The following CACNB4 variants were observed in gnomAD, a reference collection of about 807,000 sequenced individuals.
CACNB4 encodes voltage-dependent L-type calcium channel subunit beta-4.
Under a neutral mutation model 71.2 loss-of-function variants are expected in CACNB4, and 32 were observed. The observed-to-expected ratio is 0.45, with a 90% CI of 0.34 to 0.60. The LOEUF (loss-of-function observed/expected upper bound fraction) is 0.60. CACNB4 is among the 20% of genes least tolerant of loss of function. CACNB4 has a pLI of 0.01. For synonymous variants in CACNB4, 231 were observed against 236.9 expected (o/e 0.97, Z 0.23); for missense variants, 464 against 647.9 (o/e 0.72, Z 3.08).
chr2:151,873,895 C>G (rs759489335), intron 5 of CACNB4: 1 of 152,178 alleles, frequency 6.6e-6, no homozygotes. Flanking sequence ...GACTGGACCA[C>G]GGGGGCAGTC....
At chr2:152,028,142 G>A (rs1684080223) in intron 2 of CACNB4, among the ~76,000 whole-genome samples, 1 of 152,090 alleles carries the variant, frequency 6.6e-6, no homozygotes, top group African/African-American at 2.4e-5. Flanking sequence ...AGCAAAGAGG[G>A]CATGACCTAC....
In CACNB4 at chr2:151,839,140, A is replaced by G. The variant is rs754426717; in HGVS notation, c.1542T>C (p.His514=). ...AGACTCAAAGCCTATGTCGGGAGTC[A>G]TGGCTATATCCCCCAGGTGATCCTC... ...RNRGSPGGYS[H]DSRHRL is the part of the protein sequence containing the mutation. Residue 514 remains histidine (H), a synonymous_variant, in exon 14 of 14, where the codon CAT becomes CAC. Transcript: ENST00000539935. 6.2e-7 allele frequency: 1 copy of G among 1,612,494 alleles called. No homozygotes were observed. The highest frequency in any genetic ancestry group is 1.1e-5 in the South Asian group (1 of 90,982).
intron 2 of CACNB4, among the ~76,000 whole-genome samples, chr2:151,896,923 T>C (rs2099852236): frequency 6.6e-6 from 1 of 152,210 alleles, no homozygotes; most frequent in South Asian, 2.1e-4. Context: ...GTCATGCAGC[T>C]GGTAAAGTGT....
chr2:151,924,293 T>C (rs1448124791), intron 2 of CACNB4, among the ~76,000 whole-genome samples: 3 of 151,686 alleles, frequency 2.0e-5, no homozygotes, highest in Non-Finnish European at 2.9e-5. Flanking sequence ...TTAGCCAGGA[T>C]GGTCTTGATC....
In CACNB4 at chr2:151,834,175, G is replaced by A. The variant is rs776137266; in HGVS notation, c.*4944C>T. 2.0e-5 allele frequency: 3 copies of A among 151,952 alleles called. No individual in the cohort carries two copies. Among genetic ancestry groups the A allele is most frequent in the Non-Finnish European group, 2.9e-5 (2 of 67,856 alleles). The allele number at this position is 151,952 out of a possible 1,614,324, so 9.4% of individuals were successfully genotyped here. ...CTTATCAGGTATTGAAAAGCTAGAG[G>A]CCAGCCACTTCTGGTTCTTAGTTCC... On this transcript the variant is annotated 3_prime_UTR_variant, in exon 14 of 14. Transcript: ENST00000539935.
At chr2:152,006,292 G>A (rs1280560890) in intron 2 of CACNB4, among the ~76,000 whole-genome samples, 2 of 152,008 alleles carry the variant, frequency 1.3e-5, no homozygotes, top group African/African-American at 4.8e-5. Context: ...ACTACTCCCT[G>A]TCACCTGGAC....
chr2:152,029,815 A>C (rs562693945), intron 2 of CACNB4, among the ~76,000 whole-genome samples: 1 of 152,342 alleles, frequency 6.6e-6, no homozygotes, highest in Non-Finnish European at 1.5e-5. Context: ...CACAGTGAGA[A>C]GAAGGCACCA....
At chr2:151,901,772 A>G (rs1424798511) in intron 2 of CACNB4, among the ~76,000 whole-genome samples, 1 of 152,220 alleles carries the variant, frequency 6.6e-6, no homozygotes, top group African/African-American at 2.4e-5. Flanking sequence ...GCTTATATTG[A>G]GAATGAGAAT....
At chr2:151,852,847 A>C (rs2099839415) in intron 12 of CACNB4, 1 of 152,232 alleles carries the variant, frequency 6.6e-6, no homozygotes, top group Middle Eastern at 3.2e-3. Context: ...GAGACTGGCC[A>C]CTGGGGACCC....
chr2:151,868,964 C>T (rs932199793), intron 9 of CACNB4: 1 of 359,256 alleles, frequency 2.8e-6, no homozygotes, highest in Non-Finnish European at 5.0e-6. Flanking sequence ...AAACAAATGG[C>T]TTATTTTTCT....
chr2:152,088,139 TAA>T, intron 2 of CACNB4, among the ~76,000 whole-genome samples: 1 of 53,412 alleles, frequency 1.9e-5, no homozygotes, highest in African/African-American at 7.6e-5. Flanking sequence ...CTTCCCCACT[TAA>T]CACACACACA....
At position 152,081,539 on chromosome 2, in the gene CACNB4, G is replaced by A. The variant is rs138360540; in HGVS notation, c.147+16791C>T. Reference sequence around the variant, plus strand: ...CTGACAGATTTGGTTCTTAGTAAGGGCCCTTTTCCTGGCTTGCAGACAGCC... The same window carrying A: ...CTGACAGATTTGGTTCTTAGTAAGGACCCTTTTCCTGGCTTGCAGACAGCC... On this transcript the variant is annotated intron_variant, in intron 2 of 13. Transcript: ENST00000539935. Among the ~76,000 whole-genome samples, 69 of 152,086 alleles carry A rather than the reference G, an allele frequency of 4.5e-4. No individual in the cohort carries two copies. The South Asian group carries it at 0.013, about 29-fold the overall frequency.
rs1396346924 is a variant in CACNB4 at position 151,836,275 on chromosome 2, A to G, written c.*2844T>C. 1 of 151,874 alleles carries G rather than the reference A, an allele frequency of 6.6e-6. No individual in the cohort carries two copies. The highest frequency in any genetic ancestry group is 2.4e-5 in the African/African-American group (1 of 41,428). 9.4% of individuals were successfully genotyped at this position (151,874 alleles called of 1,614,324 possible). On this transcript the variant is annotated 3_prime_UTR_variant, in exon 14 of 14. Transcript: ENST00000539935. Reference sequence around the variant, plus strand: ...AAGTTAAAACAGCCTCAAAACAGTAAAAGACTTGTTTCTCTTGCTTATAAT... The same window carrying G: ...AAGTTAAAACAGCCTCAAAACAGTAGAAGACTTGTTTCTCTTGCTTATAAT...
chr2:152,050,724 A>G (rs926290983), intron 2 of CACNB4, among the ~76,000 whole-genome samples: 1 of 151,152 alleles, frequency 6.6e-6, no homozygotes, highest in Non-Finnish European at 1.5e-5. Context: ...TCTAAAAAAA[A>G]TTTTTTTTTA....
At chr2:151,952,086 T>C (rs2099867045) in intron 2 of CACNB4, among the ~76,000 whole-genome samples, 1 of 152,180 alleles carries the variant, frequency 6.6e-6, no homozygotes, top group Non-Finnish European at 1.5e-5. Context: ...AAATGATATA[T>C]GTATATACAC....
At chr2:151,995,148 A>C (rs568230022) in intron 2 of CACNB4, among the ~76,000 whole-genome samples, 1 of 152,326 alleles carries the variant, frequency 6.6e-6, no homozygotes, top group East Asian at 1.9e-4. Context: ...AAAGGTTGCA[A>C]GCATAAATGC....
intron 2 of CACNB4, among the ~76,000 whole-genome samples, chr2:151,934,488 A>G (rs1279116980): frequency 6.6e-6 from 1 of 152,238 alleles, no homozygotes; most frequent in African/African-American, 2.4e-5. Context: ...TCAAAGACAT[A>G]AGTAACTCAG....
At chr2:151,908,613 C>G (rs762501151) in intron 2 of CACNB4, among the ~76,000 whole-genome samples, 7 of 152,160 alleles carry the variant, frequency 4.6e-5, no homozygotes, top group Non-Finnish European at 8.8e-5. Flanking sequence ...TCTGGACCAA[C>G]TCATCTGTAG....
At position 151,964,069 on chromosome 2, in the gene CACNB4, G is replaced by GAAA. The variant is rs397825547; in HGVS notation, c.148-80702_148-80700dup. ...GGCCAGAGCAAGACTCTGTCTCACA[G>GAAA]AAAAAAAAAAAAAAAAAAAAAGAAT... is the stretch of plus-strand genomic sequence containing the variant. On this transcript the variant is annotated intron_variant, in intron 2 of 13. Coordinates refer to ENST00000539935, the MANE Select transcript of CACNB4 (RefSeq NM_000726.5). Among the ~76,000 whole-genome samples the GAAA allele has an allele frequency of 3.3e-3, 331 of 99,110 alleles. 4 individuals are homozygous for GAAA. The highest frequency in any genetic ancestry group is 4.5e-3 in the Non-Finnish European group (248 of 54,732). 65.0% of individuals were successfully genotyped at this position (99,110 alleles called of 152,430 possible). A position where few individuals can be genotyped will look rare whatever the true frequency, so the allele number is the denominator to read the frequency against.
Sources: gnomAD v4.1 joint callset for allele counts (sites outside exome capture counted in the v4.1 genomes callset) on GRCh38, gnomAD v4.1.1 for gene constraint, MANE v1.5 for transcripts, NCBI Gene and HGNC (gene_info 2026-07-23, HGNC 2026-07-21) for gene names.